PNOC: variants seen among roughly 807,000 people sequenced by gnomAD.
PNOC encodes nociceptin.
PNOC carries 10 observed loss-of-function variants against 15.6 expected under a neutral mutation model. That is an observed-to-expected ratio of 0.64 (90% CI 0.40 to 1.09). The LOEUF (loss-of-function observed/expected upper bound fraction) is 1.09, where lower values mean the gene tolerates loss of function less well. PNOC is among the 50% of genes least tolerant of loss of function. PNOC has a pLI of 0.01. For synonymous variants in PNOC, 98 were observed against 88.5 expected (o/e 1.11, Z -0.60); for missense variants, 220 against 223.9 (o/e 0.98, Z 0.11).
intron 2 of PNOC, among the ~76,000 whole-genome samples, chr8:28,337,563 G>A (rs1801431539): frequency 6.8e-6 from 1 of 147,684 alleles, no homozygotes; most frequent in South Asian, 2.1e-4. Flanking sequence ...GCCTCCCAAA[G>A]TTCTGGGATT....
At chr8:28,342,708 C>T (rs949951329) in intron 3 of PNOC, among the ~76,000 whole-genome samples, 1 of 152,196 alleles carries the variant, frequency 6.6e-6, no homozygotes, top group Non-Finnish European at 1.5e-5. Context: ...CTGTGCCTAT[C>T]GAGTCACAGC....
Position 28,331,375 on chromosome 8 carries a change from G to A in PNOC, c.126+2092G>A, listed in dbSNP as rs1259813961. ...CCTTCAGGAACACCAGCCCTCTCTC[G>A]GTCCATGTGCCTCATTCTCTTCCTC... On this transcript the variant is annotated intron_variant, in intron 2 of 3. Coordinates refer to ENST00000301908, the MANE Select transcript of PNOC (RefSeq NM_006228.5). Among the ~76,000 whole-genome samples the A allele has an allele frequency of 4.6e-5, 7 of 151,964 alleles. No individual in the cohort carries two copies. In the South Asian group the frequency reaches 6.3e-4, roughly 14 times the overall value.
At chr8:28,327,655 C>T (rs1047050858) in intron 1 of PNOC, among the ~76,000 whole-genome samples, 2 of 151,760 alleles carry the variant, frequency 1.3e-5, no homozygotes, top group South Asian at 2.1e-4. Context: ...CAACCTCCGC[C>T]TCCTGGGTTC....
chr8:28,338,501 G>A (rs1230436684), intron 2 of PNOC: 2 of 694,880 alleles, frequency 2.9e-6, no homozygotes, highest in African/African-American at 3.9e-5. Context: ...TACACAGATA[G>A]TGACGACTGC....
At chr8:28,339,927 T>C (rs1202852254) in intron 3 of PNOC, 1 of 153,066 alleles carries the variant, frequency 6.5e-6, no homozygotes, top group African/African-American at 2.4e-5. Context: ...TGGTGCTATT[T>C]CATCTTCAAA....
intron 3 of PNOC, among the ~76,000 whole-genome samples, chr8:28,342,371 AAAAAAG>A (rs1801536514): frequency 6.6e-6 from 1 of 151,812 alleles, no homozygotes; most frequent in Admixed American, 6.6e-5. Context: ...AAAAAAAAAA[AAAAAAG>A]AACACTATTC....
chr8:28,318,512 CA>C (rs1321488635), intron 1 of PNOC, among the ~76,000 whole-genome samples: 1 of 152,244 alleles, frequency 6.6e-6, no homozygotes, highest in African/African-American at 2.4e-5. Context: ...CAAAACCTCC[CA>C]AAGCAAATAC....
chr8:28,338,759 T>C, intron 2 of PNOC: 1 of 1,155,750 alleles, frequency 8.7e-7, no homozygotes, highest in Non-Finnish European at 1.1e-6. Context: ...CTGTGTTAAC[T>C]TCCTATGTTA....
chr8:28,320,528 A>T (rs1217942236), intron 1 of PNOC, among the ~76,000 whole-genome samples: 1 of 152,268 alleles, frequency 6.6e-6, no homozygotes, highest in East Asian at 1.9e-4. Flanking sequence ...AGGAATGTGT[A>T]CTCAAAATCG....
intron 2 of PNOC, among the ~76,000 whole-genome samples, chr8:28,338,296 G>A (rs763679503): frequency 2.0e-4 from 30 of 152,194 alleles, no homozygotes; most frequent in Admixed American, 4.6e-4. Flanking sequence ...GAAACATCGT[G>A]GTCCAGCTGG....
chr8:28,319,145 G>A (rs759146048), intron 1 of PNOC, among the ~76,000 whole-genome samples: 21 of 152,144 alleles, frequency 1.4e-4, no homozygotes, highest in East Asian at 7.7e-4. Flanking sequence ...CCATTATCTC[G>A]GTGTTGCAGT....
At chr8:28,320,092 CTTTTTTTTTTTTTTTTTTTT>C (rs34876964) in intron 1 of PNOC, among the ~76,000 whole-genome samples, 2 of 29,728 alleles carry the variant, frequency 6.7e-5, no homozygotes, top group Admixed American at 6.8e-4. Flanking sequence ...TTCTTTCTTT[CTTTTTTTTTTTTTTTTTTTT>C]TTTTTTTTTC....
chr8:28,333,868 C>G (rs1001259058), intron 2 of PNOC, among the ~76,000 whole-genome samples: 1 of 152,220 alleles, frequency 6.6e-6, no homozygotes, highest in African/African-American at 2.4e-5. Flanking sequence ...AGCTCCCCCA[C>G]TCTACCCTTC....
chr8:28,331,965 G>C (rs1801336551), intron 2 of PNOC, among the ~76,000 whole-genome samples: 2 of 152,234 alleles, frequency 1.3e-5, no homozygotes, highest in South Asian at 4.1e-4. Flanking sequence ...AGGCACATCT[G>C]CTGCAGTCTC....
Position 28,339,092 on chromosome 8 carries a change from C to T in PNOC, c.179C>T (p.Pro60Leu). Residue 60 changes from proline to leucine, a missense_variant, in exon 3 of 4, where the codon CCA becomes CTA. By Grantham distance (98) the Pro-to-Leu change is moderately conservative. Coordinates refer to ENST00000301908, the MANE Select transcript of PNOC (RefSeq NM_006228.5). ...EKVFPSPLWTPCTKVMARSSW... is the reference protein window; with the variant it reads ...EKVFPSPLWTLCTKVMARSSW... Reference sequence around the variant, plus strand: ...GTCTTCCCCAGCCCCCTCTGGACTCCATGCACCAAGGTCATGGCCAGGAGC... The same window carrying T: ...GTCTTCCCCAGCCCCCTCTGGACTCTATGCACCAAGGTCATGGCCAGGAGC... 3.7e-6 allele frequency: 6 copies of T among 1,604,074 alleles called. No individual in the cohort carries two copies. The highest frequency in any genetic ancestry group is 5.1e-6 in the Non-Finnish European group (6 of 1,171,582).
intron 1 of PNOC, among the ~76,000 whole-genome samples, chr8:28,319,400 C>T (rs774054408): frequency 3.9e-5 from 6 of 152,188 alleles, no homozygotes; most frequent in African/African-American, 1.2e-4. Flanking sequence ...TAGAAGAATT[C>T]GGGAGAAGGA....
intron 1 of PNOC, among the ~76,000 whole-genome samples, chr8:28,326,293 A>G (rs1259345313): frequency 6.6e-6 from 1 of 152,086 alleles, no homozygotes; most frequent in Middle Eastern, 3.2e-3. Flanking sequence ...TCAACGCTTC[A>G]GTGAGCCGTG....
intron 1 of PNOC, among the ~76,000 whole-genome samples, chr8:28,322,528 C>T (rs903569901): frequency 6.6e-6 from 1 of 152,204 alleles, no homozygotes; most frequent in Non-Finnish European, 1.5e-5. Context: ...AGTCCCAGCT[C>T]TGCCACTTCA....
Position 28,339,147 on chromosome 8 carries a change from G to A in PNOC, c.234G>A (p.Glu78=), listed in dbSNP as rs760504738. 1.9e-6 allele frequency: 3 copies of A among 1,613,336 alleles called. No individual in the cohort carries two copies. Among genetic ancestry groups the A allele is most frequent in the African/African-American group, 2.7e-5 (2 of 74,924 alleles). ...SSWQLSPAAP[E]HVAAALYQPR... ...GGCAGCTCAGCCCTGCCGCCCCAGA[G>A]CATGTGGCGGCTGCTCTCTACCAGC... Residue 78 remains glutamate, a synonymous_variant, in exon 3 of 4, where the codon GAG becomes GAA. Coordinates refer to ENST00000301908, the MANE Select transcript of PNOC (RefSeq NM_006228.5).
Sources: allele counts gnomAD v4.1 joint callset (sites outside exome capture counted in the v4.1 genomes callset), GRCh38; gene constraint gnomAD v4.1.1; transcripts MANE v1.5; gene names NCBI Gene and HGNC (gene_info 2026-07-23, HGNC 2026-07-21).